TAS2R1: variants seen among roughly 807,000 people sequenced by gnomAD.
TAS2R1 encodes the protein taste receptor type 2 member 1.
For synonymous variants in TAS2R1, 141 were observed against 134.2 expected (o/e 1.05, Z -0.35); for missense variants, 370 against 353.4 (o/e 1.05, Z -0.38).
the TAS2R1 span, among the ~76,000 whole-genome samples, chr5:9,784,875 C>A: frequency 6.6e-6 from 1 of 152,056 alleles, no homozygotes; most frequent in African/African-American, 2.4e-5. Context: ...TCTAGTATGA[C>A]CTCATCTCAA....
chr5:9,793,068 G>C, the TAS2R1 span, among the ~76,000 whole-genome samples: 1 of 152,160 alleles, frequency 6.6e-6, no homozygotes, highest in African/African-American at 2.4e-5. Flanking sequence ...CCTATACATA[G>C]AGCATGAAGG....
At chr5:9,862,405 C>A in the TAS2R1 span, among the ~76,000 whole-genome samples, 2 of 152,084 alleles carry the variant, frequency 1.3e-5, no homozygotes, top group African/African-American at 4.8e-5. Flanking sequence ...GCCTAACCTG[C>A]AGAAAAGCAG....
At chr5:9,717,166 C>G (rs1298896841), upstream of TAS2R1, among the ~76,000 whole-genome samples, 1 of 152,090 alleles carries the variant, frequency 6.6e-6, no homozygotes, top group Non-Finnish European at 1.5e-5. Context: ...GCAAAACAAC[C>G]CAATACCAGT....
the TAS2R1 span, among the ~76,000 whole-genome samples, chr5:9,723,131 G>A: frequency 5.9e-5 from 9 of 152,300 alleles, no homozygotes; most frequent in Middle Eastern, 3.4e-3. Flanking sequence ...TGCTGTTCCC[G>A]GGGTTCCCAG....
intron 1 of TAS2R1, among the ~76,000 whole-genome samples, chr5:9,683,916 C>T (rs565229717): frequency 5.3e-5 from 8 of 152,152 alleles, no homozygotes; most frequent in East Asian, 3.9e-4. Flanking sequence ...CCAGCATCTA[C>T]GGAAGTGTGT....
At chr5:9,742,721 A>T in the TAS2R1 span, among the ~76,000 whole-genome samples, 5 of 152,270 alleles carry the variant, frequency 3.3e-5, no homozygotes, top group Non-Finnish European at 5.9e-5. Context: ...AAATAACCTC[A>T]ATGGCCAGGA....
the TAS2R1 span, among the ~76,000 whole-genome samples, chr5:9,789,064 A>C: frequency 1.3e-5 from 2 of 152,112 alleles, no homozygotes; most frequent in Non-Finnish European, 2.9e-5. Flanking sequence ...TCTAAAGCAA[A>C]TACAACAAAA....
the TAS2R1 span, chr5:9,889,609 G>A: frequency 6.6e-6 from 1 of 152,234 alleles, no homozygotes; most frequent in Non-Finnish European, 1.5e-5. Flanking sequence ...TGCATTTTCA[G>A]ATAGTGCTTC....
At chr5:9,838,709 C>G in the TAS2R1 span, among the ~76,000 whole-genome samples, 245 of 152,318 alleles carry the variant, frequency 1.6e-3, no homozygotes, top group African/African-American at 5.6e-3. Context: ...GCATCAACTC[C>G]TAGCAAGCCC....
At chr5:9,671,983 A>T (rs1265714212) in intron 1 of TAS2R1, among the ~76,000 whole-genome samples, 1 of 152,116 alleles carries the variant, frequency 6.6e-6, no homozygotes, top group African/African-American at 2.4e-5. Flanking sequence ...CAGAAATAAT[A>T]CCTCACACCT....
chr5:9,749,067 C>G, the TAS2R1 span, among the ~76,000 whole-genome samples: 1 of 152,154 alleles, frequency 6.6e-6, no homozygotes, highest in East Asian at 1.9e-4. Flanking sequence ...GACTTCTCCC[C>G]CTTCTATCCA....
chr5:9,663,775 A>G (rs1375418489), intron 1 of TAS2R1, among the ~76,000 whole-genome samples: 1 of 152,208 alleles, frequency 6.6e-6, no homozygotes, highest in Non-Finnish European at 1.5e-5. Context: ...TAGGTTAAAA[A>G]TTTTGAGATG....
the TAS2R1 span, among the ~76,000 whole-genome samples, chr5:9,861,039 T>G: frequency 8.1e-5 from 12 of 147,364 alleles, no homozygotes; most frequent in African/African-American, 2.5e-4. Context: ...AAGATGAGGT[T>G]TTTTTTTTTT....
rs1297282421 is a variant in TAS2R1 at position 9,629,704 on chromosome 5, ACGCTGG to A, written c.323_328del (p.Ala108_Ser109del). On this transcript the variant is annotated inframe_deletion, in exon 1 of 1. Coordinates refer to ENST00000382492, the MANE Select transcript of TAS2R1 (RefSeq NM_019599.3). ...CAACCAGATGAAGAGTGGGTGACGG[ACGCTGG>A]CAACCTTGGCACAATAGAAAACGCC... 8 of 1,614,042 alleles carry A rather than the reference ACGCTGG, an allele frequency of 5.0e-6. No homozygotes were observed. The South Asian group carries it at 5.5e-5, about 11-fold the overall frequency.
At chr5:9,787,291 A>C in the TAS2R1 span, among the ~76,000 whole-genome samples, 1 of 152,238 alleles carries the variant, frequency 6.6e-6, no homozygotes, top group African/African-American at 2.4e-5. Flanking sequence ...TTTGCTTTGC[A>C]AATTATAGCA....
chr5:9,788,172 G>A, the TAS2R1 span, among the ~76,000 whole-genome samples: 1 of 152,152 alleles, frequency 6.6e-6, no homozygotes, highest in Non-Finnish European at 1.5e-5. Flanking sequence ...TCTTGTTGAA[G>A]GATCACACAT....
the TAS2R1 span, among the ~76,000 whole-genome samples, chr5:9,771,686 G>A: frequency 5.9e-5 from 9 of 151,916 alleles, no homozygotes; most frequent in African/African-American, 2.2e-4. Flanking sequence ...CTCCTATCTT[G>A]TTATTTGTTA....
chr5:9,660,569 C>T (rs995923162), intron 1 of TAS2R1, among the ~76,000 whole-genome samples: 1 of 152,164 alleles, frequency 6.6e-6, no homozygotes, highest in South Asian at 2.1e-4. Flanking sequence ...TGCATCCAAA[C>T]ATCCTGTGCC....
At chr5:9,779,574 G>A in the TAS2R1 span, among the ~76,000 whole-genome samples, 1 of 152,192 alleles carries the variant, frequency 6.6e-6, no homozygotes, top group Non-Finnish European at 1.5e-5. Context: ...GAGAGATGGG[G>A]AAACAGCTGG....
Sources: gnomAD v4.1 joint callset for allele counts (sites outside exome capture counted in the v4.1 genomes callset) on GRCh38, gnomAD v4.1.1 for gene constraint, MANE v1.5 for transcripts, NCBI Gene and HGNC (gene_info 2026-07-23, HGNC 2026-07-21) for gene names.